TNRC6A: variants seen among roughly 807,000 people sequenced by gnomAD.
TNRC6A encodes the protein trinucleotide repeat-containing gene 6A protein.
TNRC6A carries 44 observed loss-of-function variants against 221.2 expected under a neutral mutation model. The observed-to-expected ratio is 0.20, with a 90% CI of 0.16 to 0.26. TNRC6A has a LOEUF of 0.26. TNRC6A is among the 10% of genes least tolerant of loss of function. The probability of loss-of-function intolerance (pLI) is 1.00; values close to 1 mark genes in which losing one functional copy is unlikely to be tolerated. For missense variants in TNRC6A, 2,199 were observed against 2,404.4 expected, an observed-to-expected ratio of 0.91 and a Z score of 1.79; for synonymous variants, 847 against 838.5, an observed-to-expected ratio of 1.01 and a Z score of -0.18.
chr16:24,734,661 A>G (rs908333653), intron 2 of TNRC6A, among the ~76,000 whole-genome samples: 1 of 152,208 alleles, frequency 6.6e-6, no homozygotes. Context: ...CTCTAATTCT[A>G]GTATTCCTCC....
At chr16:24,646,146 T>A (rs1902277713) in intron 2 of TNRC6A, among the ~76,000 whole-genome samples, 1 of 152,198 alleles carries the variant, frequency 6.6e-6, no homozygotes, top group Non-Finnish European at 1.5e-5. Flanking sequence ...CACAGGTTTT[T>A]CTTTCTTTAG....
intron 5 of TNRC6A, among the ~76,000 whole-genome samples, chr16:24,781,759 T>C (rs1188240218): frequency 2.0e-5 from 3 of 152,030 alleles, no homozygotes; most frequent in Non-Finnish European, 4.4e-5. Flanking sequence ...CTTGAAATCA[T>C]GCTTTACTCT....
In TNRC6A at chr16:24,823,845, G is replaced by T. The variant is rs776682705; in HGVS notation, c.*38G>T. 2.2e-6 allele frequency: 3 copies of T among 1,372,054 alleles called. No individual in the cohort carries two copies. Among genetic ancestry groups the T allele is most frequent in the South Asian group, 2.3e-5 (1 of 43,632 alleles). 85.0% of individuals were successfully genotyped at this position (1,372,054 alleles called of 1,614,324 possible). ...AGACTCACCGACCGGGACCTCAGAC[G>T]CGAGGGAAAGGAGCACTAAGTGGGG... On this transcript the variant is annotated 3_prime_UTR_variant, in exon 25 of 25. Transcript: ENST00000395799. This position sits in a 1 kb window ranked among gnomAD's most constrained non-coding sequence, Gnocchi z 4.3.
chr16:24,747,737 T>A (rs1338260985), intron 2 of TNRC6A, among the ~76,000 whole-genome samples: 1 of 152,198 alleles, frequency 6.6e-6, no homozygotes, highest in African/African-American at 2.4e-5. Context: ...TACTCCCCTC[T>A]GTGCTTACAG....
At chr16:24,652,881 AC>A (rs1902751231) in intron 2 of TNRC6A, among the ~76,000 whole-genome samples, 1 of 152,162 alleles carries the variant, frequency 6.6e-6, no homozygotes, top group South Asian at 2.1e-4. Context: ...ACTCAAAATT[AC>A]CCTTGCACTA....
chr16:24,640,163 G>C lies in TNRC6A; in HGVS notation n.277-721G>C, dbSNP rs371445960. Among the ~76,000 whole-genome samples, 12 of 152,280 alleles carry C rather than the reference G, an allele frequency of 7.9e-5. No homozygotes were observed. The South Asian group carries it at 2.5e-3, about 32-fold the overall frequency. On this transcript the variant is annotated intron_variant and non_coding_transcript_variant, in intron 1 of 2. Transcript: ENST00000566108. Reference sequence around the variant, plus strand: ...GCCTATAATCCCAGCACTTTGGGAGGCCAAGGCAGGTGGATCCCTAGAGCT... The same window carrying C: ...GCCTATAATCCCAGCACTTTGGGAGCCCAAGGCAGGTGGATCCCTAGAGCT...
intron 18 of TNRC6A, among the ~76,000 whole-genome samples, chr16:24,809,903 C>T (rs1021493129): frequency 2.0e-5 from 3 of 152,186 alleles, no homozygotes; most frequent in African/African-American, 7.2e-5. Context: ...AAACTCTGCT[C>T]CCGGGTTCAA....
intron 2 of TNRC6A, among the ~76,000 whole-genome samples, chr16:24,652,572 A>G (rs948883137): frequency 2.0e-5 from 3 of 152,250 alleles, no homozygotes; most frequent in Admixed American, 6.5e-5. Context: ...CAGCATACCA[A>G]TTGTTCTTAT....
chr16:24,788,680 GCT>G (rs2058027050), intron 5 of TNRC6A, among the ~76,000 whole-genome samples: 2 of 137,808 alleles, frequency 1.5e-5, no homozygotes, highest in Non-Finnish European at 3.0e-5. Flanking sequence ...ACGGAGTCTC[GCT>G]CTGTCACCCA....
chr16:24,745,795 T>TTC (rs2056994145), intron 2 of TNRC6A, among the ~76,000 whole-genome samples: 3 of 118,522 alleles, frequency 2.5e-5, no homozygotes, highest in African/African-American at 6.8e-5. Context: ...GTATGTACCA[T>TTC]CCCCCCCCCC....
At chr16:24,662,912 A>C (rs1440314775) in intron 2 of TNRC6A, 1 of 153,730 alleles carries the variant, frequency 6.5e-6, no homozygotes, top group Admixed American at 6.5e-5. Flanking sequence ...CTTAAACAGG[A>C]GCTTCTGCAA....
intron 1 of TNRC6A, among the ~76,000 whole-genome samples, chr16:24,632,025 C>CT (rs1181617379): frequency 6.6e-6 from 1 of 151,790 alleles, no homozygotes; most frequent in Non-Finnish European, 1.5e-5. Context: ...CACCCAGCTA[C>CT]TTTTTTTAAT....
chr16:24,809,277 A>C, intron 17 of TNRC6A, 73 bp from the exon 18 acceptor site: 1 of 1,323,276 alleles, frequency 7.6e-7, no homozygotes. Context: ...TTTTCTAGGA[A>C]ATAGAAGTTG....
At chr16:24,758,271 TATC>T (rs2057292661) in intron 3 of TNRC6A, 65 bp from the exon 4 acceptor site, 3 of 1,480,764 alleles carry the variant, frequency 2.0e-6, no homozygotes, top group Admixed American at 1.7e-5. Flanking sequence ...ATGAACATTT[TATC>T]ATAACAGTCC....
At chr16:24,819,697 C>T (rs573991772) in intron 21 of TNRC6A, 2 of 211,284 alleles carry the variant, frequency 9.5e-6, no homozygotes, top group South Asian at 7.6e-5. Context: ...GCAGGCACCC[C>T]GTGAAGATCT....
At chr16:24,621,356 T>G (rs1900664542) in intron 1 of TNRC6A, among the ~76,000 whole-genome samples, 1 of 142,074 alleles carries the variant, frequency 7.0e-6, no homozygotes, top group South Asian at 2.3e-4. Flanking sequence ...TTTTTTTTTT[T>G]TTTTTTTTTT....
intron 4 of TNRC6A, among the ~76,000 whole-genome samples, chr16:24,774,121 C>G (rs893110524): frequency 3.3e-5 from 5 of 152,096 alleles, no homozygotes; most frequent in Non-Finnish European, 7.4e-5. Flanking sequence ...TTCCCCCCTT[C>G]CAGTGGTTTG....
rs371125774 is a variant in TNRC6A, at chr16:24,798,011, G to A, written c.3694+45G>A. Reference sequence around the variant, plus strand: ...GTTTATATTCCTCATTGAGGGACACGCACATCCATGACATGATTCTACTGA... The same window carrying A: ...GTTTATATTCCTCATTGAGGGACACACACATCCATGACATGATTCTACTGA... On this transcript the variant is annotated intron_variant, in intron 11 of 24. Coordinates refer to ENST00000395799, the MANE Select transcript of TNRC6A (RefSeq NM_014494.4). The A allele has an allele frequency of 1.4e-4, 216 of 1,528,104 alleles. 1 individual carries two copies. The highest frequency in any genetic ancestry group is 1.2e-3 in the South Asian group (105 of 85,914). The allele number at this position is 1,528,104 out of a possible 1,614,324, so 94.7% of individuals were successfully genotyped here.
At chr16:24,632,857 A>G (rs534863800) in intron 1 of TNRC6A, among the ~76,000 whole-genome samples, 3 of 152,052 alleles carry the variant, frequency 2.0e-5, no homozygotes, top group Admixed American at 2.0e-4. Flanking sequence ...AAAAATACAA[A>G]AATTAGCTGG....
Sources: gnomAD v4.1 joint callset for allele counts (sites outside exome capture counted in the v4.1 genomes callset) on GRCh38, gnomAD v4.1.1 for gene constraint, Gnocchi (gnomAD v3.1) non-coding constraint, MANE v1.5 for transcripts, NCBI Gene and HGNC (gene_info 2026-07-23, HGNC 2026-07-21) for gene names.